Variants in PRPF18 observed in about 807,000 individuals in gnomAD.
PRPF18 encodes pre-mRNA-splicing factor 18.
In PRPF18, 38 loss-of-function variants were observed where a neutral mutation model predicts 46.5. That is an observed-to-expected ratio of 0.82 (90% CI 0.63 to 1.07). The LOEUF (loss-of-function observed/expected upper bound fraction) is 1.07. Ranked by LOEUF, PRPF18 falls within the 50% of genes least tolerant of loss-of-function variation. The pLI, the probability that PRPF18 is intolerant of heterozygous loss-of-function variation, is 0.00. For synonymous variants in PRPF18, 152 were observed against 146.7 expected (o/e 1.04, Z -0.26); for missense variants, 263 against 410.0 (o/e 0.64, Z 3.10).
At chr10:13,600,490 T>C in intron 3 of PRPF18, 142 bp downstream of exon 3, 1 of 578,242 alleles carries the variant, frequency 1.7e-6, no homozygotes, top group Non-Finnish European at 2.8e-6. Flanking sequence ...GTTTTCTTCA[T>C]GAAGTTCTAA....
At chr10:13,634,868 C>G (rs2080622625), downstream of PRPF18, among the ~76,000 whole-genome samples, 1 of 152,062 alleles carries the variant, frequency 6.6e-6, no homozygotes, top group Non-Finnish European at 1.5e-5. Context: ...GTTTGAAAAC[C>G]ACTGATTTTT....
At chr10:13,617,358 A>C (rs191616553) in intron 9 of PRPF18, among the ~76,000 whole-genome samples, 577 of 152,342 alleles carry the variant, frequency 3.8e-3, no homozygotes, top group African/African-American at 0.013. Flanking sequence ...TTCACTTCCA[A>C]GTGCTGAATG....
intron 8 of PRPF18, among the ~76,000 whole-genome samples, chr10:13,614,864 C>T (rs1413507836): frequency 6.6e-6 from 1 of 152,188 alleles, no homozygotes; most frequent in African/African-American, 2.4e-5. Flanking sequence ...TCCCAAGGCA[C>T]TAGGAGTAGA....
intron 8 of PRPF18, 30 bp downstream of exon 8, chr10:13,614,116 T>G: frequency 6.7e-7 from 1 of 1,481,908 alleles, no homozygotes; most frequent in Non-Finnish European, 9.2e-7. Context: ...TTTGAAATTG[T>G]TAAGAGTATA....
chr10:13,617,414 T>G (rs563697198), intron 9 of PRPF18, among the ~76,000 whole-genome samples: 2 of 152,230 alleles, frequency 1.3e-5, no homozygotes, highest in Non-Finnish European at 2.9e-5. Context: ...TAATAGCTTT[T>G]TAAAATATGA....
chr10:13,620,822 T>TA (rs2080411095), intron 9 of PRPF18, among the ~76,000 whole-genome samples: 2 of 152,224 alleles, frequency 1.3e-5, no homozygotes, highest in African/African-American at 4.8e-5. Flanking sequence ...CTGTAGAACT[T>TA]AAACAATGAA....
chr10:13,595,064 G>T (rs901261678), intron 1 of PRPF18, among the ~76,000 whole-genome samples: 19 of 152,162 alleles, frequency 1.2e-4, no homozygotes, highest in Non-Finnish European at 2.4e-4. Context: ...TTTTTTGTAA[G>T]TGCATGTTGG....
chr10:13,651,665 T>C, the PRPF18 span: 13,165 of 517,834 alleles, frequency 0.025, 754 homozygotes, highest in African/African-American at 0.14. Context: ...AGAACAAGAC[T>C]CTGTCTCAAA....
intron 4 of PRPF18, among the ~76,000 whole-genome samples, chr10:13,607,903 A>G (rs2080213012): frequency 1.3e-5 from 2 of 152,170 alleles, no homozygotes; most frequent in South Asian, 4.1e-4. Flanking sequence ...GCTCTTGAAA[A>G]GAGTATTGTT....
In PRPF18 at chr10:13,586,994, TC is replaced by T. The variant is rs1390463699; in HGVS notation, c.-91del. On this transcript the variant is annotated 5_prime_UTR_variant, in exon 1 of 10. Coordinates refer to ENST00000378572, the MANE Select transcript of PRPF18 (RefSeq NM_003675.4). Reference sequence around the variant, plus strand: ...GTTCTCAGGTGTTTGGGCTTGTTGTTCCGTATACTCAGTGGGTTCGCGGCCG... The same window carrying T: ...GTTCTCAGGTGTTTGGGCTTGTTGTTCGTATACTCAGTGGGTTCGCGGCCG... 1.2e-5 allele frequency: 15 copies of T among 1,296,266 alleles called. No homozygotes were observed. In the East Asian group the frequency reaches 3.0e-4, roughly 26 times the overall value. The allele number at this position is 1,296,266 out of a possible 1,614,324, so 80.3% of individuals were successfully genotyped here. A position where few individuals can be genotyped will look rare whatever the true frequency, so the allele number is the denominator to read the frequency against.
chr10:13,593,582 T>G (rs2478111), intron 1 of PRPF18, among the ~76,000 whole-genome samples: 152,306 of 152,326 alleles, frequency 1, 76,143 homozygotes, highest in Non-Finnish European at 1. Context: ...ATACTTAAAT[T>G]ATAATTGTCA....
chr10:13,625,633 C>T (rs1368523085), intron 9 of PRPF18, among the ~76,000 whole-genome samples: 1 of 152,158 alleles, frequency 6.6e-6, no homozygotes, highest in Non-Finnish European at 1.5e-5. Context: ...TCACTTAATA[C>T]AGCGCAAATG....
At chr10:13,614,196 A>T in intron 8 of PRPF18, 110 bp downstream of exon 8, 3 of 837,270 alleles carry the variant, frequency 3.6e-6, no homozygotes, top group Non-Finnish European at 5.3e-6. Context: ...TTAAGAATAA[A>T]TGTGAGATGA....
In PRPF18 at chr10:13,622,465, A is replaced by G. The variant is rs192056433; in HGVS notation, c.948+5912A>G. ...TGGAAAAAAAGCCAGACCAGTCTCT[A>G]TTGTGAAAACCTGGTACTCACGTAA... On this transcript the variant is annotated intron_variant, in intron 9 of 9. Coordinates refer to ENST00000378572, the MANE Select transcript of PRPF18 (RefSeq NM_003675.4). 3.1e-3 allele frequency among the ~76,000 whole-genome samples: 473 copies of G among 152,328 alleles called. 1 individual carries two copies. The highest frequency in any genetic ancestry group is 0.016 in the South Asian group (79 of 4,830).
chr10:13,621,821 TAA>T (rs1373885976), intron 9 of PRPF18, among the ~76,000 whole-genome samples: 8 of 152,132 alleles, frequency 5.3e-5, no homozygotes, highest in Admixed American at 5.2e-4. Context: ...TCAGTAAGCT[TAA>T]GTTTATAAGT....
At chr10:13,600,128 A>G (rs2080085262) in intron 2 of PRPF18, 116 bp from the exon 3 acceptor site, 1 of 775,244 alleles carries the variant, frequency 1.3e-6, no homozygotes, top group Non-Finnish European at 2.0e-6. Context: ...TCAGAGGAAT[A>G]TTAGAAAATC....
intron 5 of PRPF18, among the ~76,000 whole-genome samples, chr10:13,610,957 G>A (rs1589129181): frequency 6.6e-6 from 1 of 152,136 alleles, no homozygotes; most frequent in African/African-American, 2.4e-5. Context: ...AAGCAATTTT[G>A]TATCATGTAA....
chr10:13,627,679 G>A (rs536836000), intron 9 of PRPF18, among the ~76,000 whole-genome samples: 4 of 152,310 alleles, frequency 2.6e-5, no homozygotes, highest in African/African-American at 7.2e-5. Flanking sequence ...AAACAATTGA[G>A]TTTCACAACC....
intron 2 of PRPF18, chr10:13,597,747 T>C (rs779273997): frequency 1.7e-5 from 23 of 1,334,292 alleles, no homozygotes; most frequent in Non-Finnish European, 2.3e-5. Context: ...TGGCTTGGAA[T>C]GGTTTGGCTT....
Sources: gnomAD v4.1 joint callset for allele counts (sites outside exome capture counted in the v4.1 genomes callset) on GRCh38, gnomAD v4.1.1 for gene constraint, MANE v1.5 for transcripts, NCBI Gene and HGNC (gene_info 2026-07-23, HGNC 2026-07-21) for gene names.